Variants in TRIM16 observed in about 807,000 individuals in gnomAD.
TRIM16 encodes the protein tripartite motif-containing protein 16.
A neutral mutation model predicts 50.4 loss-of-function variants in TRIM16; 33 were observed. The ratio of observed to expected loss-of-function variants is 0.65; its 90% CI spans 0.50 to 0.88. TRIM16 has a LOEUF of 0.88. Ranked by LOEUF, TRIM16 falls within the 40% of genes least tolerant of loss-of-function variation. TRIM16 has a pLI of 0.00. For synonymous variants in TRIM16, 229 were observed against 270.7 expected (o/e 0.85, Z 1.51); for missense variants, 581 against 686.8 (o/e 0.85, Z 1.72).
intron 6 of TRIM16, among the ~76,000 whole-genome samples, chr17:15,662,429 C>G (rs1988283202): frequency 6.6e-6 from 1 of 152,178 alleles, no homozygotes. Flanking sequence ...TTTCTTTAAA[C>G]TTCTTAGTTG....
At chr17:15,677,452 G>A in intron 5 of TRIM16, 123 bp downstream of exon 5, 1 of 944,648 alleles carries the variant, frequency 1.1e-6, no homozygotes, top group African/African-American at 1.8e-5. Flanking sequence ...GATCTGATCT[G>A]GATTCTGTGG....
chr17:15,631,216 T>C (rs901128726), intron 11 of TRIM16, among the ~76,000 whole-genome samples: 1 of 152,214 alleles, frequency 6.6e-6, no homozygotes, highest in Non-Finnish European at 1.5e-5. Flanking sequence ...TGGAAACATC[T>C]GTGACCTTGG....
Position 15,651,501 on chromosome 17 carries a change from CTGACCCAGAATCTGGGCTGGG to C in TRIM16, c.88_108del (p.Pro30_Ser36del), listed in dbSNP as rs772819157. The C allele has an allele frequency of 3.1e-6, 5 of 1,612,568 alleles. No individual in the cohort carries two copies. The highest frequency in any genetic ancestry group is 4.5e-5 in the East Asian group (2 of 44,862). Reference sequence around the variant, plus strand: ...ACGTCCTCTTCTTCCACTGGGCTGGCTGACCCAGAATCTGGGCTGGGTGACCCAGAGTCTGGGCTGAGAGGG... The same window carrying C: ...ACGTCCTCTTCTTCCACTGGGCTGGCTGACCCAGAGTCTGGGCTGAGAGGG... On this transcript the variant is annotated inframe_deletion, in exon 7 of 12. Coordinates refer to ENST00000649191, the MANE Select transcript of TRIM16 (RefSeq NM_001348119.1).
chr17:15,653,386 A>G (rs1216702376), intron 6 of TRIM16, among the ~76,000 whole-genome samples: 1 of 152,226 alleles, frequency 6.6e-6, no homozygotes, highest in Non-Finnish European at 1.5e-5. Flanking sequence ...AAACACAGTA[A>G]GACGCATGGT....
intron 6 of TRIM16, among the ~76,000 whole-genome samples, chr17:15,662,702 G>A (rs557112924): frequency 6.6e-5 from 10 of 152,262 alleles, no homozygotes; most frequent in Non-Finnish European, 1.2e-4. Flanking sequence ...TTCTGTGCAG[G>A]GACTGTGCTA....
At chr17:15,677,502 T>A in intron 5 of TRIM16, 73 bp downstream of exon 5, 1 of 1,000,884 alleles carries the variant, frequency 1.0e-6, no homozygotes, top group Non-Finnish European at 1.2e-6. Flanking sequence ...CATTCCCTAA[T>A]AGAAGCAAGG....
chr17:15,650,168 G>A (rs115220824), intron 7 of TRIM16, among the ~76,000 whole-genome samples: 130 of 152,272 alleles, frequency 8.5e-4, no homozygotes, highest in African/African-American at 3.0e-3. Context: ...TTGATGCCAG[G>A]GAACATTTGC....
intron 6 of TRIM16, among the ~76,000 whole-genome samples, chr17:15,662,597 T>G (rs1276432039): frequency 2.6e-5 from 4 of 152,222 alleles, no homozygotes; most frequent in Non-Finnish European, 5.9e-5. Context: ...AGCTATTATT[T>G]TCATTCATGT....
intron 10 of TRIM16, 119 bp from the exon 11 acceptor site, chr17:15,631,833 G>C (rs565845558): frequency 1.2e-6 from 1 of 868,552 alleles, no homozygotes; most frequent in African/African-American, 1.7e-5. Flanking sequence ...GCTGAAGCCT[G>C]GTAATGTTTC....
At position 15,632,501 on chromosome 17, in the gene TRIM16, C is replaced by A. The variant is rs1408178274; in HGVS notation, c.1015+8G>T. ...TCACTATAGTCCATGGCCCAGAATG[C>A]GTCTCACCTTCCTTGGAAAACTCCT... On this transcript the variant is annotated splice_region_variant and intron_variant, in intron 10 of 11. Transcript: ENST00000649191. The A allele has an allele frequency of 5.6e-6, 9 of 1,609,774 alleles. No homozygotes were observed. The highest frequency in any genetic ancestry group is 6.8e-6 in the Non-Finnish European group (8 of 1,177,528).
chr17:15,676,990 C>G (rs1269063989), intron 6 of TRIM16, among the ~76,000 whole-genome samples, 186 bp downstream of exon 6: 2 of 152,102 alleles, frequency 1.3e-5, no homozygotes, highest in Non-Finnish European at 2.9e-5. Flanking sequence ...GGGCTTATAA[C>G]TTTAAGGAGG....
intron 4 of TRIM16, among the ~76,000 whole-genome samples, chr17:15,679,003 G>A (rs1442768770): frequency 6.6e-6 from 1 of 151,750 alleles, no homozygotes; most frequent in African/African-American, 2.4e-5. Flanking sequence ...AGCCTCTTGA[G>A]TAGCTGGGAC....
chr17:15,670,869 A>G lies in TRIM16; in HGVS notation c.-338+6307T>C, dbSNP rs560390873. ...GTATTTCTAGGGTTTTGTTTTTGTC[A>G]GTGTGCATCATCTGATATCAATAAT... On this transcript the variant is annotated intron_variant, in intron 6 of 11. Coordinates refer to ENST00000649191, the MANE Select transcript of TRIM16 (RefSeq NM_001348119.1). Among the ~76,000 whole-genome samples the G allele has an allele frequency of 5.3e-5, 8 of 152,366 alleles. No homozygotes were observed. In the South Asian group the frequency reaches 1.7e-3, roughly 32 times the overall value.
chr17:15,644,932 C>T (rs1285855590), intron 7 of TRIM16, among the ~76,000 whole-genome samples: 1 of 152,032 alleles, frequency 6.6e-6, no homozygotes, highest in Non-Finnish European at 1.5e-5. Flanking sequence ...TCTCCTGCCT[C>T]AGCCTCCTGA....
intron 8 of TRIM16, among the ~76,000 whole-genome samples, chr17:15,640,498 C>T (rs1275768145): frequency 2.0e-5 from 3 of 147,940 alleles, no homozygotes; most frequent in Non-Finnish European, 3.0e-5. Flanking sequence ...GCTGAGCAGG[C>T]GACCAAGAGG....
At chr17:15,665,487 C>T (rs555013933) in intron 6 of TRIM16, among the ~76,000 whole-genome samples, 2 of 151,656 alleles carry the variant, frequency 1.3e-5, no homozygotes, top group East Asian at 1.9e-4. Flanking sequence ...CCAGCCTAGG[C>T]GAGAGTGCAA....
chr17:15,634,137 G>A (rs1986588488), intron 9 of TRIM16, among the ~76,000 whole-genome samples: 1 of 147,084 alleles, frequency 6.8e-6, no homozygotes. Flanking sequence ...AGACCATTCT[G>A]GCTAACACGG....
chr17:15,665,492 G>A (rs574838907), intron 6 of TRIM16, among the ~76,000 whole-genome samples: 10 of 152,244 alleles, frequency 6.6e-5, no homozygotes, highest in African/African-American at 2.4e-4. Flanking sequence ...CTAGGCGAGA[G>A]TGCAAGACTC....
rs1259374465 is a variant in TRIM16 at position 15,636,448 on chromosome 17, C to T, written c.616-179G>A. ...TCCAGGTTCCTGGAAAAAGGATTTA[C>T]GTATTAACTTGGTCTCCTCATCCAT... is the stretch of plus-strand genomic sequence containing the variant. On this transcript the variant is annotated intron_variant, in intron 8 of 11. Coordinates refer to ENST00000649191, the MANE Select transcript of TRIM16 (RefSeq NM_001348119.1). Among the ~76,000 whole-genome samples the T allele has an allele frequency of 2.0e-5, 3 of 149,468 alleles. 1 individual carries two copies. Among genetic ancestry groups the T allele is most frequent in the African/African-American group, 5.0e-5 (2 of 40,174 alleles).
Sources: gnomAD v4.1 joint callset for allele counts (sites outside exome capture counted in the v4.1 genomes callset) on GRCh38, gnomAD v4.1.1 for gene constraint, MANE v1.5 for transcripts, NCBI Gene and HGNC (gene_info 2026-07-23, HGNC 2026-07-21) for gene names.